The following FRMD4A variants were observed in gnomAD, a reference collection of about 807,000 sequenced individuals.
FRMD4A encodes the protein FERM domain containing 4A, also known as FERM domain-containing protein 4A.
A neutral mutation model predicts 129.1 loss-of-function variants in FRMD4A; 29 were observed. The observed-to-expected ratio is 0.22, with a 90% confidence interval of 0.17 to 0.31. The LOEUF is 0.31. Among genes scored for constraint, FRMD4A ranks in the 10% least tolerant of loss-of-function variants. The pLI, the probability that FRMD4A is intolerant of heterozygous loss-of-function variation, is 1.00. For synonymous variants in FRMD4A, 634 were observed against 571.6 expected (o/e 1.11, Z -1.56); for missense variants, 1,272 against 1,375.8 (o/e 0.92, Z 1.19).
At chr10:13,963,295 C>A (rs527303075) in intron 2 of FRMD4A, among the ~76,000 whole-genome samples, 14 of 137,612 alleles carry the variant, frequency 1.0e-4, no homozygotes, top group African/African-American at 3.8e-4. Flanking sequence ...TTTTTTCAAC[C>A]ACATATGTTG....
At chr10:14,206,808 T>C (rs1589166084) in intron 2 of FRMD4A, among the ~76,000 whole-genome samples, 1 of 1,152 alleles carries the variant, frequency 8.7e-4, no homozygotes, top group East Asian at 0.012. Flanking sequence ...AGACGCTATC[T>C]CAAAAAAAAA....
intron 13 of FRMD4A, among the ~76,000 whole-genome samples, chr10:13,702,190 G>A (rs1304575251): frequency 6.6e-6 from 1 of 152,132 alleles, no homozygotes; most frequent in South Asian, 2.1e-4. Flanking sequence ...TCCTGCTTCA[G>A]CCTTCTAAGT....
intron 2 of FRMD4A, among the ~76,000 whole-genome samples, chr10:13,889,793 C>G (rs1448834422): frequency 6.6e-6 from 1 of 152,112 alleles, no homozygotes; most frequent in Non-Finnish European, 1.5e-5. Context: ...TTACTTCTAC[C>G]CACACAACTT....
At chr10:14,103,176 T>C (rs1837401685) in intron 2 of FRMD4A, among the ~76,000 whole-genome samples, 1 of 152,156 alleles carries the variant, frequency 6.6e-6, no homozygotes, top group South Asian at 2.1e-4. Context: ...ATGGCCAGCA[T>C]CCACCCCAAG....
chr10:13,929,952 A>T (rs1379751430), intron 2 of FRMD4A, among the ~76,000 whole-genome samples: 1 of 152,254 alleles, frequency 6.6e-6, no homozygotes, highest in Non-Finnish European at 1.5e-5. Context: ...ATCATACAGC[A>T]AAGAGCCAGG....
At chr10:14,167,872 G>C (rs1483130256) in intron 2 of FRMD4A, among the ~76,000 whole-genome samples, 1 of 152,130 alleles carries the variant, frequency 6.6e-6, no homozygotes, top group Non-Finnish European at 1.5e-5. Flanking sequence ...CCAGGCTCAG[G>C]GAGCTATAGG....
chr10:14,324,013 G>C (rs550337255), intron 2 of FRMD4A, among the ~76,000 whole-genome samples: 1 of 152,214 alleles, frequency 6.6e-6, no homozygotes, highest in Non-Finnish European at 1.5e-5. Flanking sequence ...ACCATGCAAA[G>C]TCCTTGATCC....
intron 2 of FRMD4A, among the ~76,000 whole-genome samples, chr10:14,099,211 C>T (rs1277328417): frequency 6.6e-6 from 1 of 152,192 alleles, no homozygotes; most frequent in Non-Finnish European, 1.5e-5. Flanking sequence ...AAGCCCATAC[C>T]CATGGTTCAG....
intron 2 of FRMD4A, among the ~76,000 whole-genome samples, chr10:14,134,248 A>AATGGATGGATGGATGGATGGATGG (rs60021621): frequency 6.7e-6 from 1 of 149,668 alleles, no homozygotes; most frequent in Non-Finnish European, 1.5e-5. Flanking sequence ...AATTGGAAAG[A>AATGGATGGATGGATGGATGGATGG]ATGGATGGAT....
intron 2 of FRMD4A, among the ~76,000 whole-genome samples, chr10:14,057,233 C>G (rs1834577747): frequency 6.6e-6 from 1 of 152,194 alleles, no homozygotes; most frequent in Admixed American, 6.5e-5. Flanking sequence ...GCAACACAAA[C>G]AGAGAACACA....
chr10:14,019,373 A>G (rs1832626488), intron 2 of FRMD4A, among the ~76,000 whole-genome samples: 1 of 152,266 alleles, frequency 6.6e-6, no homozygotes, highest in Admixed American at 6.5e-5. Context: ...AACTCCAGGA[A>G]AAACATAAAG....
chr10:13,764,331 C>T (rs1382921915), intron 6 of FRMD4A, among the ~76,000 whole-genome samples: 1 of 151,722 alleles, frequency 6.6e-6, no homozygotes, highest in African/African-American at 2.4e-5. Flanking sequence ...GTGGCGAAAC[C>T]CCATCTCTAT....
intron 3 of FRMD4A, among the ~76,000 whole-genome samples, chr10:13,814,064 C>A (rs1481878080): frequency 6.6e-6 from 1 of 152,152 alleles, no homozygotes; most frequent in Non-Finnish European, 1.5e-5. Flanking sequence ...GGTGATAAAT[C>A]TTCCTGTGCT....
intron 2 of FRMD4A, among the ~76,000 whole-genome samples, chr10:14,164,348 T>C (rs1011897496): frequency 7.2e-5 from 11 of 152,182 alleles, no homozygotes; most frequent in Non-Finnish European, 1.6e-4. Context: ...CTGAGCCCTG[T>C]GCCGGGTCCC....
intron 2 of FRMD4A, among the ~76,000 whole-genome samples, chr10:14,028,731 G>A (rs1833095354): frequency 6.6e-6 from 1 of 152,126 alleles, no homozygotes; most frequent in African/African-American, 2.4e-5. Flanking sequence ...CTGTGGGAAG[G>A]GCAATGAGTG....
intron 2 of FRMD4A, among the ~76,000 whole-genome samples, chr10:13,943,921 C>A (rs113832912): frequency 3.9e-5 from 6 of 152,070 alleles, no homozygotes; most frequent in Non-Finnish European, 8.8e-5. Context: ...AAGAAAGGCA[C>A]CTTCAAGGTG....
intron 2 of FRMD4A, among the ~76,000 whole-genome samples, chr10:14,107,641 T>C (rs2131786790): frequency 6.6e-6 from 1 of 152,292 alleles, no homozygotes; most frequent in South Asian, 2.1e-4. Context: ...CTTTGCTGTA[T>C]TTTAAAAATA....
At chr10:14,035,356 G>A (rs1381686011) in intron 2 of FRMD4A, among the ~76,000 whole-genome samples, 1 of 150,456 alleles carries the variant, frequency 6.6e-6, no homozygotes, top group Non-Finnish European at 1.5e-5. Context: ...AGGTTGCAGT[G>A]AGCCAAGATC....
At chr10:13,872,767 T>C (rs1408711543) in intron 2 of FRMD4A, among the ~76,000 whole-genome samples, 1 of 152,210 alleles carries the variant, frequency 6.6e-6, no homozygotes, top group Non-Finnish European at 1.5e-5. Flanking sequence ...CAGAGGTTGT[T>C]TATATTTTTG....
Sources: allele counts gnomAD v4.1 joint callset (sites outside exome capture counted in the v4.1 genomes callset), GRCh38; gene constraint gnomAD v4.1.1; transcripts MANE v1.5; gene names NCBI Gene and HGNC (gene_info 2026-07-23, HGNC 2026-07-21).